The following DLGAP1 variants were observed in gnomAD, a reference collection of about 807,000 sequenced individuals.
DLGAP1 encodes the protein DLG associated protein 1, also known as disks large-associated protein 1.
DLGAP1 carries 11 observed loss-of-function variants against 90.8 expected under a neutral mutation model. The observed-to-expected ratio is 0.12, with a 90% CI of 0.08 to 0.20. DLGAP1 has a LOEUF of 0.20. Ranked by LOEUF, DLGAP1 falls within the 10% of genes least tolerant of loss-of-function variation. The pLI is 1.00. For missense variants in DLGAP1, 1,050 were observed against 1,333.8 expected (o/e 0.79, Z 3.31); for synonymous variants, 558 against 540.7 (o/e 1.03, Z -0.44).
chr18:4,298,395 C>T (rs894516533), intron 1 of DLGAP1, among the ~76,000 whole-genome samples: 1 of 152,110 alleles, frequency 6.6e-6, no homozygotes, highest in Admixed American at 6.5e-5. Flanking sequence ...CACATCAGCC[C>T]TGGGGAATAG....
intron 1 of DLGAP1, among the ~76,000 whole-genome samples, chr18:4,226,270 A>T (rs2078184993): frequency 6.6e-6 from 1 of 152,152 alleles, no homozygotes; most frequent in South Asian, 2.1e-4. Flanking sequence ...TATTTCATCA[A>T]CACCAGACCT....
chr18:4,329,330 T>G (rs2080896534), intron 1 of DLGAP1, among the ~76,000 whole-genome samples: 1 of 151,904 alleles, frequency 6.6e-6, no homozygotes, highest in East Asian at 1.9e-4. Context: ...TCCTGAATTT[T>G]TTATTTTTTC....
chr18:4,051,160 A>G (rs1442504414), intron 2 of DLGAP1, among the ~76,000 whole-genome samples: 1 of 152,236 alleles, frequency 6.6e-6, no homozygotes, highest in Non-Finnish European at 1.5e-5. Flanking sequence ...ATTAATAAAC[A>G]AGGCAAAATT....
chr18:3,625,156 A>G (rs952301879), intron 7 of DLGAP1, among the ~76,000 whole-genome samples: 1 of 152,160 alleles, frequency 6.6e-6, no homozygotes, highest in Non-Finnish European at 1.5e-5. Flanking sequence ...CCCTTCATAG[A>G]GATGAAGCCC....
At chr18:4,238,090 A>G (rs1023420372) in intron 1 of DLGAP1, among the ~76,000 whole-genome samples, 6 of 152,122 alleles carry the variant, frequency 3.9e-5, no homozygotes, top group Non-Finnish European at 4.4e-5. Flanking sequence ...AATGTTTTGG[A>G]TTTTGGAGCA....
chr18:3,658,712 G>C (rs1316269147), intron 7 of DLGAP1, among the ~76,000 whole-genome samples: 1 of 152,136 alleles, frequency 6.6e-6, no homozygotes, highest in Non-Finnish European at 1.5e-5. Context: ...GACTTATTAA[G>C]CAATGACCTC....
At chr18:4,205,353 G>C (rs1346997787) in intron 1 of DLGAP1, among the ~76,000 whole-genome samples, 9 of 152,198 alleles carry the variant, frequency 5.9e-5, no homozygotes, top group Admixed American at 5.2e-4. Flanking sequence ...TAAGTGGATG[G>C]GATAGGAGGG....
chr18:4,239,706 G>A (rs936755792), intron 1 of DLGAP1, among the ~76,000 whole-genome samples: 2 of 152,154 alleles, frequency 1.3e-5, no homozygotes, highest in African/African-American at 2.4e-5. Flanking sequence ...AAGTGTCTTC[G>A]ATTTAAAATC....
rs983025514 is a variant in DLGAP1 at position 3,627,086 on chromosome 18, G to A, written c.1592-44838C>T. Among the ~76,000 whole-genome samples, 16 of 152,070 alleles carry A rather than the reference G, an allele frequency of 1.1e-4. No homozygotes were observed. The East Asian group carries it at 2.1e-3, about 20-fold the overall frequency. On this transcript the variant is annotated intron_variant, in intron 7 of 12. Coordinates refer to ENST00000315677, the MANE Select transcript of DLGAP1 (RefSeq NM_004746.4). Reference sequence around the variant, plus strand: ...AATTACATGGTCTCATGAAAGTACTGCTAACATTTTATTAGTGCTAGTAAT... The same window carrying A: ...AATTACATGGTCTCATGAAAGTACTACTAACATTTTATTAGTGCTAGTAAT...
At chr18:3,825,026 G>A (rs754463528) in intron 4 of DLGAP1, among the ~76,000 whole-genome samples, 2 of 152,156 alleles carry the variant, frequency 1.3e-5, no homozygotes, top group Non-Finnish European at 2.9e-5. Flanking sequence ...TTTAAGCTAC[G>A]TTTCAATCTA....
At position 3,816,894 on chromosome 18, in the gene DLGAP1, C is replaced by T. The variant is rs542891238; in HGVS notation, c.958-2621G>A. ...ACCTTTGTGCTCATCACATTTGATA[C>T]ACTTGTCATTTATTAATTATGCTAG... On this transcript the variant is annotated intron_variant, in intron 4 of 12. Coordinates refer to ENST00000315677, the MANE Select transcript of DLGAP1 (RefSeq NM_004746.4). Among the ~76,000 whole-genome samples, 13 of 152,306 alleles carry T rather than the reference C, an allele frequency of 8.5e-5. No homozygotes were observed. In the South Asian group the frequency reaches 1.7e-3, roughly 19 times the overall value.
chr18:4,014,159 C>T (rs887849168), intron 2 of DLGAP1, among the ~76,000 whole-genome samples: 1 of 148,484 alleles, frequency 6.7e-6, no homozygotes, highest in African/African-American at 2.5e-5. Context: ...GATCTCGACT[C>T]ACTGCAACCT....
intron 9 of DLGAP1, among the ~76,000 whole-genome samples, chr18:3,535,404 T>G (rs1202744443): frequency 1.3e-5 from 2 of 152,038 alleles, no homozygotes; most frequent in Non-Finnish European, 2.9e-5. Flanking sequence ...TCGGGGTAAT[T>G]TGCTTAGAAA....
intron 5 of DLGAP1, among the ~76,000 whole-genome samples, chr18:3,746,011 A>C (rs1483468239): frequency 6.6e-6 from 1 of 152,152 alleles, no homozygotes; most frequent in Non-Finnish European, 1.5e-5. Context: ...TATAGCTGCA[A>C]TGATGAAAAT....
At chr18:3,592,495 AC>A (rs1282714493) in intron 7 of DLGAP1, among the ~76,000 whole-genome samples, 1 of 152,210 alleles carries the variant, frequency 6.6e-6, no homozygotes, top group Non-Finnish European at 1.5e-5. Flanking sequence ...CTTCCTAATC[AC>A]CAGAGAGCAA....
At chr18:4,409,795 T>C (rs78981248) in intron 1 of DLGAP1, among the ~76,000 whole-genome samples, 3,283 of 152,228 alleles carry the variant, frequency 0.022, 51 homozygotes, top group African/African-American at 0.049. Context: ...TGTTTGACCC[T>C]CTACTGGGTA....
At chr18:3,511,915 C>T (rs2050565570) in intron 10 of DLGAP1, among the ~76,000 whole-genome samples, 2 of 152,170 alleles carry the variant, frequency 1.3e-5, no homozygotes, top group Admixed American at 1.3e-4. Flanking sequence ...GAAAGGTGAT[C>T]GCTAAGGGTC....
chr18:3,510,550 C>T (rs1011037879), intron 10 of DLGAP1, among the ~76,000 whole-genome samples: 4 of 152,164 alleles, frequency 2.6e-5, no homozygotes, highest in Admixed American at 2.6e-4. Flanking sequence ...GGAGCAGGCA[C>T]TTCCTAAGTG....
rs148819065 is a variant in DLGAP1 at position 4,421,380 on chromosome 18, T to A, written c.-267+33626A>T. 3.2e-3 allele frequency among the ~76,000 whole-genome samples: 483 copies of A among 152,272 alleles called. 1 individual carries two copies. Among genetic ancestry groups the A allele is most frequent in the African/African-American group, 0.011 (464 of 41,550 alleles). On this transcript the variant is annotated intron_variant, in intron 1 of 12. Coordinates refer to ENST00000315677, the MANE Select transcript of DLGAP1 (RefSeq NM_004746.4). ...TAAGGCCCACACAGAGAATCTAGTA[T>A]AGTCCAGTGTAAACCTCTTTTCAAG... is the stretch of plus-strand genomic sequence containing the variant.
Sources: allele counts gnomAD v4.1 joint callset (sites outside exome capture counted in the v4.1 genomes callset), GRCh38; gene constraint gnomAD v4.1.1; transcripts MANE v1.5; gene names NCBI Gene and HGNC (gene_info 2026-07-23, HGNC 2026-07-21).